CASK: variants seen among roughly 807,000 people sequenced by gnomAD.
The protein encoded by CASK is peripheral plasma membrane protein CASK.
A neutral mutation model predicts 82.9 loss-of-function variants in CASK; 4 were observed. The ratio of observed to expected loss-of-function variants is 0.05; its 90% CI spans 0.02 to 0.11. The LOEUF (loss-of-function observed/expected upper bound fraction) is 0.11, where lower values mean the gene tolerates loss of function less well. CASK is among the 10% of genes least tolerant of loss of function. The pLI, the probability that CASK is intolerant of heterozygous loss-of-function variation, is 1.00. For missense variants in CASK, 358 were observed against 720.9 expected, an observed-to-expected ratio of 0.50 and a Z score of 5.76; for synonymous variants, 259 against 253.5, an observed-to-expected ratio of 1.02 and a Z score of -0.20.
At chrX:41,693,753 C>T (rs1043953453) in intron 5 of CASK, among the ~76,000 whole-genome samples, 6 of 111,705 alleles carry the variant, frequency 5.4e-5, no homozygotes, top group South Asian at 3.8e-4. Flanking sequence ...AGTCCTTCCC[C>T]GCTCCCTTCC....
In CASK at chrX:41,625,261, C is replaced by A. The variant is rs375342334; in HGVS notation, c.1015+1343G>T. ...AGTGCAGTGGCGTGATCTCGGCTCACTGCAAGCTCTGCCTGCCGGGTTCAC... is the reference window on the plus strand; with the variant it reads ...AGTGCAGTGGCGTGATCTCGGCTCAATGCAAGCTCTGCCTGCCGGGTTCAC... On this transcript the variant is annotated intron_variant, in intron 10 of 26. Transcript: ENST00000378163. Among the ~76,000 whole-genome samples, 42 of 103,101 alleles carry A rather than the reference C, an allele frequency of 4.1e-4. 1 individual carries two copies. The highest frequency in any genetic ancestry group is 1.5e-3 in the African/African-American group (42 of 28,080). The allele number at this position is 103,101 out of a possible 115,157, so 89.5% of individuals were successfully genotyped here.
At chrX:41,522,248 G>A (rs2064647578) in intron 26 of CASK, 1 of 111,851 alleles carries the variant, frequency 8.9e-6, no homozygotes, top group Non-Finnish European at 1.9e-5. Context: ...AAAGAGACTT[G>A]CTTGATTCTG....
At chrX:41,654,657 G>C (rs2066909474) in intron 8 of CASK, among the ~76,000 whole-genome samples, 1 of 110,745 alleles carries the variant, frequency 9.0e-6, no homozygotes, top group Non-Finnish European at 1.9e-5. Flanking sequence ...TGGGTGACAG[G>C]GCAAGACTCT....
At chrX:41,764,646 A>G (rs1379966174) in intron 3 of CASK, among the ~76,000 whole-genome samples, 1 of 111,290 alleles carries the variant, frequency 9.0e-6, no homozygotes, top group Non-Finnish European at 1.9e-5. Flanking sequence ...TTATCTAATC[A>G]TCAAACCCTA....
intron 5 of CASK, among the ~76,000 whole-genome samples, chrX:41,723,315 T>C (rs1266274975): frequency 8.9e-6 from 1 of 112,215 alleles, no homozygotes; most frequent in Non-Finnish European, 1.9e-5. Context: ...GAGGGAGTGC[T>C]TGATGCAAGT....
chrX:41,897,765 G>A (rs1167477531), intron 1 of CASK, among the ~76,000 whole-genome samples: 2 of 111,426 alleles, frequency 1.8e-5, no homozygotes, highest in Admixed American at 9.5e-5. Flanking sequence ...AAGAGGTAGT[G>A]ATGATCAAGA....
chrX:41,748,068 G>A (rs746772178), intron 3 of CASK, among the ~76,000 whole-genome samples: 11 of 111,869 alleles, frequency 9.8e-5, no homozygotes, highest in East Asian at 2.8e-4. Flanking sequence ...TTGCTTAGGC[G>A]TTTTCCTTTG....
At chrX:41,641,360 C>A (rs1264163150) in intron 8 of CASK, among the ~76,000 whole-genome samples, 1 of 111,722 alleles carries the variant, frequency 9.0e-6, no homozygotes, top group Non-Finnish European at 1.9e-5. Flanking sequence ...TTGGTGTGTT[C>A]ATTACCCAAA....
chrX:41,917,327 ATG>A (rs1320995846), intron 1 of CASK, among the ~76,000 whole-genome samples: 1 of 112,466 alleles, frequency 8.9e-6, no homozygotes, highest in East Asian at 2.8e-4. Flanking sequence ...AGAGGGATAA[ATG>A]TCAATCCCTT....
At chrX:41,755,038 C>T (rs1375272241) in intron 3 of CASK, among the ~76,000 whole-genome samples, 1 of 109,496 alleles carries the variant, frequency 9.1e-6, no homozygotes. Flanking sequence ...ACCACCACAC[C>T]CAGCTAATTT....
At chrX:41,632,349 T>C (rs2066482758) in intron 9 of CASK, among the ~76,000 whole-genome samples, 1 of 111,620 alleles carries the variant, frequency 9.0e-6, no homozygotes, top group South Asian at 3.7e-4. Context: ...CCAAAAAATA[T>C]CTATTATAGC....
At chrX:41,682,192 T>TA (rs1261654363) in intron 5 of CASK, among the ~76,000 whole-genome samples, 1 of 109,820 alleles carries the variant, frequency 9.1e-6, no homozygotes, top group Non-Finnish European at 1.9e-5. Context: ...TATGTGGGTA[T>TA]AAAAAAGACA....
intron 15 of CASK, among the ~76,000 whole-genome samples, chrX:41,573,935 T>C (rs2065450217): frequency 9.0e-6 from 1 of 111,254 alleles, no homozygotes; most frequent in Non-Finnish European, 1.9e-5. Context: ...CTGAGCGCTC[T>C]ACACAATGAG....
At chrX:41,636,455 G>T in intron 9 of CASK, 123 bp downstream of exon 9, 1 of 499,644 alleles carries the variant, frequency 2.0e-6, no homozygotes, top group South Asian at 2.8e-5. Context: ...TTTTGGAAAT[G>T]AGAATTTAGC....
intron 13 of CASK, chrX:41,588,187 ATT>A (rs949533478): frequency 8.9e-6 from 1 of 112,233 alleles, no homozygotes; most frequent in African/African-American, 3.2e-5. Context: ...GTTAATTCAT[ATT>A]GTTTCAAGAT....
At chrX:41,812,777 A>G (rs910508410) in intron 2 of CASK, among the ~76,000 whole-genome samples, 9 of 111,711 alleles carry the variant, frequency 8.1e-5, no homozygotes, top group African/African-American at 2.9e-4. Context: ...AGGGTAACCA[A>G]TTAGGAAAAG....
chrX:41,535,058 C>T lies in CASK; in HGVS notation c.2156-85G>A, dbSNP rs747986576. 5.2e-6 allele frequency: 3 copies of T among 581,294 alleles called. No homozygotes were observed. The South Asian group carries it at 8.3e-5, about 16-fold the overall frequency. The allele number at this position is 581,294 out of a possible 1,213,427, so 47.9% of individuals were successfully genotyped here. A position where few individuals can be genotyped will look rare whatever the true frequency, so the allele number is the denominator to read the frequency against. On this transcript the variant is annotated intron_variant, in intron 22 of 26. Transcript: ENST00000378163. ...AATTATAATTTTACTGGCAAAACTA[C>T]AGTTATATTAAAACCATGTCTTAAA...
At chrX:41,599,532 G>T (rs1193148751) in intron 12 of CASK, among the ~76,000 whole-genome samples, 1 of 111,892 alleles carries the variant, frequency 8.9e-6, no homozygotes, top group African/African-American at 3.2e-5. Context: ...GGTTTTATTT[G>T]TCTGTATACA....
At chrX:41,697,488 T>A (rs1377710037) in intron 5 of CASK, 1 of 112,562 alleles carries the variant, frequency 8.9e-6, no homozygotes, top group East Asian at 2.8e-4. Flanking sequence ...CAGCAAGTCA[T>A]CTACAAGGTA....
Sources: allele counts gnomAD v4.1 joint callset (sites outside exome capture counted in the v4.1 genomes callset), GRCh38; gene constraint gnomAD v4.1.1; transcripts MANE v1.5; gene names NCBI Gene and HGNC (gene_info 2026-07-23, HGNC 2026-07-21).